The following SUGCT variants were observed in gnomAD, a reference collection of about 807,000 sequenced individuals.
The protein encoded by SUGCT is succinyl-CoA:glutarate CoA-transferase.
In SUGCT, 41 loss-of-function variants were observed where a neutral mutation model predicts 55.0. The observed-to-expected ratio is 0.74, with a 90% CI of 0.58 to 0.97. The LOEUF is 0.97. SUGCT is among the 50% of genes least tolerant of loss of function. The probability of loss-of-function intolerance (pLI) is 0.00; values close to 1 mark genes in which losing one functional copy is unlikely to be tolerated. For missense variants in SUGCT, 568 were observed against 547.8 expected, an observed-to-expected ratio of 1.04 and a Z score of -0.37; for synonymous variants, 187 against 200.4, an observed-to-expected ratio of 0.93 and a Z score of 0.56.
At chr7:40,580,139 GAA>G (rs1226765441) in intron 12 of SUGCT, among the ~76,000 whole-genome samples, 1 of 152,130 alleles carries the variant, frequency 6.6e-6, no homozygotes, top group African/African-American at 2.4e-5. Context: ...ATTATAAAGA[GAA>G]ATCCATTACG....
chr7:40,648,979 G>A (rs1800650797), intron 12 of SUGCT, among the ~76,000 whole-genome samples: 1 of 152,106 alleles, frequency 6.6e-6, no homozygotes. Flanking sequence ...TTTGTTCTTT[G>A]AACAAATTTA....
chr7:40,925,915 G>A, the SUGCT span, among the ~76,000 whole-genome samples: 7 of 151,988 alleles, frequency 4.6e-5, no homozygotes, highest in Non-Finnish European at 4.4e-5. Flanking sequence ...GCAACATGGC[G>A]AAACTCCATC....
At chr7:40,672,362 C>T (rs1409074868) in intron 12 of SUGCT, among the ~76,000 whole-genome samples, 1 of 152,090 alleles carries the variant, frequency 6.6e-6, no homozygotes, top group Non-Finnish European at 1.5e-5. Flanking sequence ...GATGAAAAGA[C>T]AAGTTACAGA....
chr7:40,497,587 G>C (rs1445497386), intron 12 of SUGCT, among the ~76,000 whole-genome samples: 1 of 152,114 alleles, frequency 6.6e-6, no homozygotes, highest in Non-Finnish European at 1.5e-5. Flanking sequence ...ATTAATGCCT[G>C]GTGATTCTTT....
chr7:40,350,801 C>T (rs1015724954), intron 9 of SUGCT, among the ~76,000 whole-genome samples: 4 of 151,984 alleles, frequency 2.6e-5, no homozygotes, highest in East Asian at 3.9e-4. Flanking sequence ...GCAACCCCCC[C>T]GACAGGCCCC....
Position 40,467,204 on chromosome 7 carries a change from G to GAAAAAAAAAAAAAA in SUGCT, c.986+8015_986+8028dup, listed in dbSNP as rs762283927. ...CGACAGAGCAAGACTCTAAGAAAAA[G>GAAAAAAAAAAAAAA]AAAAAAAAAAAAAAAAAAAAAAGCA... On this transcript the variant is annotated intron_variant, in intron 11 of 13. Coordinates refer to ENST00000335693, the MANE Select transcript of SUGCT (RefSeq NM_001193313.2). Among the ~76,000 whole-genome samples, 18 of 83,564 alleles carry GAAAAAAAAAAAAAA rather than the reference G, an allele frequency of 2.2e-4. 1 individual carries two copies. Among genetic ancestry groups the GAAAAAAAAAAAAAA allele is most frequent in the Non-Finnish European group, 2.5e-4 (11 of 43,544 alleles). The allele number at this position is 83,564 out of a possible 152,430, so 54.8% of individuals were successfully genotyped here.
intron 6 of SUGCT, among the ~76,000 whole-genome samples, chr7:40,221,737 C>T (rs1343973598): frequency 6.6e-6 from 1 of 152,052 alleles, no homozygotes; most frequent in East Asian, 1.9e-4. Context: ...GTAATCTGCC[C>T]TCCTCAGCCT....
intron 9 of SUGCT, among the ~76,000 whole-genome samples, chr7:40,448,485 C>A (rs1788984943): frequency 6.6e-6 from 1 of 150,876 alleles, no homozygotes. Context: ...GTTTTTTTGA[C>A]AAATGTTGTA....
At chr7:40,853,493 T>C (rs1018352041) in intron 13 of SUGCT, among the ~76,000 whole-genome samples, 1 of 152,004 alleles carries the variant, frequency 6.6e-6, no homozygotes, top group Non-Finnish European at 1.5e-5. Flanking sequence ...GCCTCCCGAG[T>C]AGCTGGAACT....
At chr7:40,859,386 T>C (rs560832522) in intron 13 of SUGCT, among the ~76,000 whole-genome samples, 6 of 152,304 alleles carry the variant, frequency 3.9e-5, no homozygotes, top group Non-Finnish European at 7.4e-5. Context: ...CTATGTGGCC[T>C]TGAGCAAAAC....
Position 40,664,140 on chromosome 7 carries a change from G to T in SUGCT, c.1090-85294G>T, listed in dbSNP as rs7780043. 6.8e-3 allele frequency among the ~76,000 whole-genome samples: 1,030 copies of T among 152,166 alleles called. 5 individuals carry two copies. The highest frequency in any genetic ancestry group is 0.012 in the Non-Finnish European group (785 of 67,990). On this transcript the variant is annotated intron_variant, in intron 12 of 13. Transcript: ENST00000335693. ...CGATCCTGCCAACACCATGATTTTC[G>T]ATTTCTACCCTCTAAAGTTGTAAGA... is the stretch of plus-strand genomic sequence containing the variant.
intron 11 of SUGCT, among the ~76,000 whole-genome samples, chr7:40,483,081 T>C (rs539364765): frequency 3.4e-4 from 52 of 152,300 alleles, no homozygotes; most frequent in African/African-American, 1.1e-3. Flanking sequence ...ACAGGAAATA[T>C]TAAATCTGTG....
At chr7:40,224,870 T>G (rs1268048078) in intron 6 of SUGCT, among the ~76,000 whole-genome samples, 1 of 152,154 alleles carries the variant, frequency 6.6e-6, no homozygotes, top group Non-Finnish European at 1.5e-5. Context: ...GGCCTGAATT[T>G]GGGGAGTGCT....
chr7:40,250,367 T>A (rs1790286490), intron 7 of SUGCT, among the ~76,000 whole-genome samples: 1 of 150,260 alleles, frequency 6.7e-6, no homozygotes, highest in East Asian at 1.9e-4. Flanking sequence ...GCTACTGCCC[T>A]CCAGCCTGGG....
chr7:40,694,060 G>A (rs958037927), intron 12 of SUGCT, among the ~76,000 whole-genome samples: 5 of 152,158 alleles, frequency 3.3e-5, no homozygotes, highest in African/African-American at 9.7e-5. Context: ...TGAAGTTCAA[G>A]TTTATTCTGG....
At chr7:40,386,429 A>G (rs1785132886) in intron 9 of SUGCT, among the ~76,000 whole-genome samples, 1 of 152,180 alleles carries the variant, frequency 6.6e-6, no homozygotes, top group Admixed American at 6.5e-5. Context: ...GGTGCATAGA[A>G]CAAAGTATTC....
chr7:40,950,231 T>C, the SUGCT span, among the ~76,000 whole-genome samples: 1 of 152,260 alleles, frequency 6.6e-6, no homozygotes, highest in Non-Finnish European at 1.5e-5. Flanking sequence ...GTGAATGGGA[T>C]TTCACTTATG....
chr7:40,350,369 G>A (rs983781869), intron 9 of SUGCT, among the ~76,000 whole-genome samples: 24 of 150,422 alleles, frequency 1.6e-4, no homozygotes, highest in Non-Finnish European at 3.4e-4. Context: ...GCAGGAGTGC[G>A]GTGGCACGAT....
intron 13 of SUGCT, among the ~76,000 whole-genome samples, chr7:40,773,585 A>T (rs187313113): frequency 4.8e-4 from 73 of 152,350 alleles, no homozygotes; most frequent in Admixed American, 4.6e-4. Context: ...GCTTCAAATG[A>T]TGAGCAGCTC....
Sources: gnomAD v4.1 joint callset for allele counts (sites outside exome capture counted in the v4.1 genomes callset) on GRCh38, gnomAD v4.1.1 for gene constraint, MANE v1.5 for transcripts, NCBI Gene and HGNC (gene_info 2026-07-23, HGNC 2026-07-21) for gene names.